Variants in SIAE observed in about 807,000 individuals in gnomAD.
SIAE encodes the protein sialate O-acetylesterase.
SIAE carries 39 observed loss-of-function variants against 52.6 expected under a neutral mutation model. The ratio of observed to expected loss-of-function variants is 0.74; its 90% CI spans 0.57 to 0.97. SIAE has a LOEUF of 0.97. Ranked by LOEUF, SIAE falls within the 50% of genes least tolerant of loss-of-function variation. SIAE has a pLI of 0.00. For missense variants in SIAE, 592 were observed against 662.1 expected, an observed-to-expected ratio of 0.89 and a Z score of 1.16; for synonymous variants, 233 against 241.4, an observed-to-expected ratio of 0.97 and a Z score of 0.32.
intron 7 of SIAE, among the ~76,000 whole-genome samples, chr11:124,640,126 T>G (rs1942821288): frequency 2.6e-5 from 4 of 152,202 alleles, no homozygotes; most frequent in African/African-American, 9.7e-5. Flanking sequence ...CCTTTGAATC[T>G]AGGATTTGCT....
chr11:124,674,075 C>G, upstream of SIAE: 1 of 264,790 alleles, frequency 3.8e-6, no homozygotes, highest in Non-Finnish European at 7.3e-6. Flanking sequence ...GCCGAGGCAG[C>G]CCATTCTGCG....
intron 4 of SIAE, among the ~76,000 whole-genome samples, chr11:124,653,687 G>A (rs994556828): frequency 1.3e-5 from 2 of 152,208 alleles, no homozygotes; most frequent in Non-Finnish European, 2.9e-5. Flanking sequence ...AACAGAAGAC[G>A]TTCTAGAAAG....
Position 124,637,119 on chromosome 11 carries a change from G to A in SIAE, c.1404C>T (p.Ile468=), listed in dbSNP as rs766811403. Residue 468 remains isoleucine, a synonymous_variant, in exon 10 of 10, where the codon ATC becomes ATT. Coordinates refer to ENST00000263593, the MANE Select transcript of SIAE (RefSeq NM_170601.5). ...CAACCACAGTGCCATGACAAGAATC[G>A]ATCGCCAGGGTCAGGGACTGGGTGG... ...TVSTQSLTLA[I]DSCHGTVVAL... is the part of the protein sequence containing the mutation. The A allele has an allele frequency of 8.1e-6, 13 of 1,614,062 alleles. No homozygotes were observed. The highest frequency in any genetic ancestry group is 4.4e-5 in the South Asian group (4 of 91,088).
chr11:124,660,906 G>T (rs749212540), intron 2 of SIAE, 103 bp from the exon 3 acceptor site: 2 of 1,391,800 alleles, frequency 1.4e-6, no homozygotes, highest in Non-Finnish European at 2.0e-6. Context: ...GTAATAAACC[G>T]AATTCAAAGC....
intron 2 of SIAE, among the ~76,000 whole-genome samples, chr11:124,663,897 C>T (rs1364840048): frequency 6.6e-6 from 1 of 152,216 alleles, no homozygotes; most frequent in East Asian, 1.9e-4. Flanking sequence ...TGCCTTTCTG[C>T]TGATAGAGAT....
At chr11:124,675,571 C>CCTG, upstream of SIAE, 3 of 708,290 alleles carry the variant, frequency 4.2e-6, no homozygotes, top group Non-Finnish European at 6.8e-6. Flanking sequence ...CAGTATGTAC[C>CCTG]TCTTTGATAT....
At chr11:124,674,152 C>G (rs189068448), upstream of SIAE, 271 of 194,408 alleles carry the variant, frequency 1.4e-3, 2 homozygotes, top group Non-Finnish European at 2.2e-3. Flanking sequence ...CTCCGCCCGC[C>G]CTCCTCTGCC....
chr11:124,655,677 T>C (rs942833226), intron 3 of SIAE, among the ~76,000 whole-genome samples: 8 of 152,172 alleles, frequency 5.3e-5, no homozygotes, highest in Non-Finnish European at 5.9e-5. Context: ...ACAGTTATCC[T>C]TCATGTCCAC....
rs1942751141 is a variant in SIAE, at chr11:124,636,847, T to G, written c.*104A>C. 3 of 1,527,098 alleles carry G rather than the reference T, an allele frequency of 2.0e-6. No homozygotes were observed. The highest frequency in any genetic ancestry group is 1.4e-5 in the African/African-American group (1 of 72,948). The allele number at this position is 1,527,098 out of a possible 1,614,324, so 94.6% of individuals were successfully genotyped here. On this transcript the variant is annotated 3_prime_UTR_variant, in exon 10 of 10. Transcript: ENST00000263593. ...CTAGCTGAAAGCCATTCAATGAGGC[T>G]TTCTATTAATTTCCTTTAAAAGCAA...
chr11:124,648,362 A>T (rs969055286), intron 5 of SIAE, among the ~76,000 whole-genome samples, 187 bp from the exon 6 acceptor site: 4 of 152,202 alleles, frequency 2.6e-5, no homozygotes, highest in Admixed American at 6.5e-5. Context: ...CCTCCAGGTT[A>T]TTCCCAAAAT....
At position 124,637,014 on chromosome 11, in the gene SIAE, G is replaced by T. The variant is rs1021260534; in HGVS notation, c.1509C>A (p.Ala503=). ...CTGTAATGAAAGCAATGAAGGGAGG[G>T]GCTGGCAGGGCACTACTGGGGTGGT... ...PLYHPSSALP[A]PPFIAFITDQ... is the part of the protein sequence containing the mutation. Residue 503 remains alanine (A), a synonymous_variant, in exon 10 of 10, where the codon GCC becomes GCA. Coordinates refer to ENST00000263593, the MANE Select transcript of SIAE (RefSeq NM_170601.5). 1.9e-6 allele frequency: 3 copies of T among 1,614,204 alleles called. No homozygotes were observed. In the East Asian group the frequency reaches 6.7e-5, roughly 36 times the overall value.
chr11:124,636,650 A>G lies in SIAE; in HGVS notation c.*301T>C, dbSNP rs900952553. ...ACTCTGGATAAAAAGGGGCAAAAGT[A>G]TTAGACATTTCACTCCCATTAATAT... On this transcript the variant is annotated 3_prime_UTR_variant, in exon 10 of 10. Transcript: ENST00000263593. The G allele has an allele frequency of 1.7e-5, 7 of 412,010 alleles. No individual in the cohort carries two copies. The highest frequency in any genetic ancestry group is 1.4e-4 in the African/African-American group (7 of 49,298). 25.5% of individuals were successfully genotyped at this position (412,010 alleles called of 1,614,324 possible). A position where few individuals can be genotyped will look rare whatever the true frequency, so the allele number is the denominator to read the frequency against.
chr11:124,647,174 T>C (rs1392327508), intron 7 of SIAE, among the ~76,000 whole-genome samples, 191 bp downstream of exon 7: 1 of 152,238 alleles, frequency 6.6e-6, no homozygotes, highest in Non-Finnish European at 1.5e-5. Flanking sequence ...TTAATTGTCC[T>C]ATCAGTGAAC....
In SIAE at chr11:124,637,071, C is replaced by T. The variant is rs7941327; in HGVS notation, c.1452G>A (p.Thr484=). 0.046 allele frequency: 74,305 copies of T among 1,613,918 alleles called. 7,215 individuals are homozygous for T. The highest frequency in any genetic ancestry group is 0.4 in the African/African-American group (29,879 of 74,848). Residue 484 remains threonine, a synonymous_variant, in exon 10 of 10, where the codon ACG becomes ACA. Transcript: ENST00000263593. ...GACACTGCTTATATTCACAAGGCCA[C>T]GTGGTCCAAGCATAGCGGAGAGCAA... The part of the protein sequence containing the change: ...TVVALRYAWT[T]WPCEYKQCPL...
At chr11:124,651,506 C>A (rs890686425) in intron 4 of SIAE, among the ~76,000 whole-genome samples, 6 of 150,932 alleles carry the variant, frequency 4.0e-5, no homozygotes, top group Non-Finnish European at 8.8e-5. Context: ...TGAGATCGTG[C>A]CACTGCACTC....
intron 2 of SIAE, among the ~76,000 whole-genome samples, chr11:124,669,127 T>C (rs1448986961): frequency 6.6e-6 from 1 of 152,224 alleles, no homozygotes; most frequent in Non-Finnish European, 1.5e-5. Context: ...TTGGTATCTA[T>C]TCCCATTATT....
chr11:124,660,252 T>A (rs1034100252), intron 3 of SIAE: 6 of 320,148 alleles, frequency 1.9e-5, no homozygotes, highest in Non-Finnish European at 1.8e-5. Context: ...ATTGCACCAT[T>A]GCACCCCAGC....
Position 124,638,654 on chromosome 11 carries a change from G to C in SIAE, c.1208C>G (p.Thr403Ser). The C allele has an allele frequency of 1.9e-6, 3 of 1,614,032 alleles. No homozygotes were observed. The South Asian group carries it at 3.3e-5, about 18-fold the overall frequency. ...CTTCTCAGGCAGTGGTCCTTCAAAGGTCAAATTCTTCTCACCATAAGCCAG... is the reference window on the plus strand; with the variant it reads ...CTTCTCAGGCAGTGGTCCTTCAAAGCTCAAATTCTTCTCACCATAAGCCAG... ...RALAYGEKNL[T>S]FEGPLPEKIE... is the part of the protein sequence containing the mutation. The change falls in exon 9 of 10, where the codon ACC becomes AGC. Residue 403 changes from threonine (T) to serine (S), a missense_variant. Coordinates refer to ENST00000263593, the MANE Select transcript of SIAE (RefSeq NM_170601.5).
At chr11:124,675,027 G>T, upstream of SIAE, 1 of 341,614 alleles carries the variant, frequency 2.9e-6, no homozygotes, top group Non-Finnish European at 5.2e-6. Context: ...TAAATGATTT[G>T]GCCTAGTGAA....
Sources: allele counts gnomAD v4.1 joint callset (sites outside exome capture counted in the v4.1 genomes callset), GRCh38; gene constraint gnomAD v4.1.1; transcripts MANE v1.5; gene names NCBI Gene and HGNC (gene_info 2026-07-23, HGNC 2026-07-21).